Variants in CD63 observed in about 807,000 individuals in gnomAD.
CD63 encodes the protein CD63 molecule.
In CD63, 16 loss-of-function variants were observed where a neutral mutation model predicts 29.2. The ratio of observed to expected loss-of-function variants is 0.55; its 90% CI spans 0.37 to 0.83. CD63 has a LOEUF of 0.83. Among genes scored for constraint, CD63 ranks in the 40% least tolerant of loss-of-function variants. CD63 has a pLI of 0.00. For synonymous variants in CD63, 118 were observed against 111.7 expected, an observed-to-expected ratio of 1.06 and a Z score of -0.36; for missense variants, 251 against 297.3, an observed-to-expected ratio of 0.84 and a Z score of 1.15.
rs866914914 is a variant in CD63, at chr12:55,725,457, C to G, written c.*104G>C. On this transcript the variant is annotated 3_prime_UTR_variant, in exon 8 of 8. Coordinates refer to ENST00000257857, the MANE Select transcript of CD63 (RefSeq NM_001780.6). The stretch of plus-strand genomic sequence containing the variant: ...GAATCAAGCATCACTCTAAGACAAA[C>G]TCAGACCATCTCTTTTCGGTCTGAA... 1 of 950,212 alleles carries G rather than the reference C, an allele frequency of 1.1e-6. No individual in the cohort carries two copies. Among genetic ancestry groups the G allele is most frequent in the African/African-American group, 1.6e-5 (1 of 62,060 alleles). 58.9% of individuals were successfully genotyped at this position (950,212 alleles called of 1,614,324 possible).
Position 55,728,046 on chromosome 12 carries a change from A to G in CD63, c.66+230T>C. ...GGGTCACCAGACAGGAAGGGCCAGG[A>G]GGGATGGGGGTAGGGGTTGCTGCAC... On this transcript the variant is annotated intron_variant, in intron 2 of 7. Coordinates refer to ENST00000257857, the MANE Select transcript of CD63 (RefSeq NM_001780.6). This position sits in a 1 kb window ranked among gnomAD's most constrained non-coding sequence, Gnocchi z 4.8. The G allele has an allele frequency of 1.2e-6, 1 of 823,708 alleles. No individual in the cohort carries two copies. Among genetic ancestry groups the G allele is most frequent in the Non-Finnish European group, 1.8e-6 (1 of 545,490 alleles). The allele number at this position is 823,708 out of a possible 1,614,324, so 51.0% of individuals were successfully genotyped here.
At chr12:55,727,064 C>T in intron 3 of CD63, 87 bp downstream of exon 3, 1 of 1,543,710 alleles carries the variant, frequency 6.5e-7, no homozygotes, top group South Asian at 1.1e-5. Flanking sequence ...GTCTTCCTCA[C>T]CCACCCACCT....
At chr12:55,727,657 C>T in intron 2 of CD63, 1 of 1,113,598 alleles carries the variant, frequency 9.0e-7, no homozygotes, top group Non-Finnish European at 1.1e-6. Context: ...CAGCTCAATT[C>T]TCTCCCAGAA....
At chr12:55,724,680 G>T (rs1877122881), downstream of CD63, 1 of 919,488 alleles carries the variant, frequency 1.1e-6, no homozygotes, top group Non-Finnish European at 1.7e-6. Context: ...ATAAAAAGAA[G>T]GTGGGCAGAA....
Position 55,725,833 on chromosome 12 carries a change from G to C in CD63, c.631C>G (p.Leu211Val). The change falls in exon 7 of 8, where the codon CTT (leucine) becomes GTT (valine). Residue 211 changes from leucine to valine, a missense_variant. Physicochemically the swap from Leu to Val is conservative, Grantham distance 32 (BLOSUM62 1). Coordinates refer to ENST00000257857, the MANE Select transcript of CD63 (RefSeq NM_001780.6). The stretch of plus-strand genomic sequence containing the variant: ...CTTACCTCGACAAAAGCAATTCCAA[G>C]GGCTGCTGCAGCTACCACCAGCACA... The part of the protein sequence containing the change: ...KNVLVVAAAA[L>V]GIAFVEVLGI... The C allele has an allele frequency of 6.2e-7, 1 of 1,614,038 alleles. No individual in the cohort carries two copies. The highest frequency in any genetic ancestry group is 8.5e-7 in the Non-Finnish European group (1 of 1,179,980).
In CD63 at chr12:55,725,352, C is replaced by G; in HGVS notation, c.*209G>C. 1 of 589,726 alleles carries G rather than the reference C, an allele frequency of 1.7e-6. No homozygotes were observed. The highest frequency in any genetic ancestry group is 3.0e-6 in the Non-Finnish European group (1 of 331,570). 36.5% of individuals were successfully genotyped at this position (589,726 alleles called of 1,614,324 possible). A position where few individuals can be genotyped will look rare whatever the true frequency, so the allele number is the denominator to read the frequency against. The stretch of plus-strand genomic sequence containing the variant: ...ACACCTTCGCAAAGTCCTCCTTTCC[C>G]AAACACCCCCCAAAATAGACCTCGA... On this transcript the variant is annotated 3_prime_UTR_variant, in exon 8 of 8. Coordinates refer to ENST00000257857, the MANE Select transcript of CD63 (RefSeq NM_001780.6).
chr12:55,724,369 C>T (rs1368480581), downstream of CD63: 1 of 1,614,202 alleles, frequency 6.2e-7, no homozygotes, highest in Non-Finnish European at 8.5e-7. Context: ...TGACCCGGAC[C>T]TAACCAAGGT....
Position 55,725,807 on chromosome 12 carries a change from T to A in CD63, c.651+6A>T. 1 of 1,613,516 alleles carries A rather than the reference T, an allele frequency of 6.2e-7. No homozygotes were observed. Among genetic ancestry groups the A allele is most frequent in the Non-Finnish European group, 8.5e-7 (1 of 1,179,596 alleles). On this transcript the variant is annotated splice_donor_region_variant and intron_variant, in intron 7 of 7. Transcript: ENST00000257857. ...GTCCCAGCCCCTGCTCAGGGTTATC[T>A]CTTACCTCGACAAAAGCAATTCCAA...
At chr12:55,723,777 A>T, downstream of CD63, 1 of 1,303,196 alleles carries the variant, frequency 7.7e-7, no homozygotes, top group South Asian at 1.2e-5. Context: ...CTCCGTCAAA[A>T]CTCTTGTCCC....
At chr12:55,723,728 C>A, downstream of CD63, 1 of 793,434 alleles carries the variant, frequency 1.3e-6, no homozygotes. Context: ...ACTTTCCTCC[C>A]TCTACCCCAC....
downstream of CD63, chr12:55,724,634 C>T: frequency 1.7e-6 from 2 of 1,151,262 alleles, no homozygotes. Flanking sequence ...GTGCCTGCCA[C>T]AAAATAAGCA....
downstream of CD63, chr12:55,723,824 T>C: frequency 6.3e-7 from 1 of 1,587,318 alleles, no homozygotes; most frequent in Non-Finnish European, 8.6e-7. Context: ...CCAACCCATG[T>C]CCCTCAAAGT....
chr12:55,728,236 C>G lies in CD63; in HGVS notation c.66+40G>C, dbSNP rs377548535. On this transcript the variant is annotated intron_variant, in intron 2 of 7. Transcript: ENST00000257857. This position sits in a 1 kb window ranked among gnomAD's most constrained non-coding sequence, Gnocchi z 4.8. ...ACCACTGTGGAGCCAGGTCTCCCCG[C>G]ACCCTGCCGGCGCGCCCCCCAGGAC... is the stretch of plus-strand genomic sequence containing the variant. The G allele has an allele frequency of 3.8e-3, 5,971 of 1,558,818 alleles. 17 individuals carry two copies. The highest frequency in any genetic ancestry group is 4.8e-3 in the Non-Finnish European group (5,422 of 1,139,566).
At chr12:55,725,997 A>C (rs1592528400) in intron 6 of CD63, 101 bp from the exon 7 acceptor site, 1 of 1,430,278 alleles carries the variant, frequency 7.0e-7, no homozygotes. Flanking sequence ...TGTACCTTTC[A>C]CCCCACCCTT....
intron 5 of CD63, 153 bp from the exon 6 acceptor site, chr12:55,726,414 G>C: frequency 1.4e-6 from 1 of 713,624 alleles, no homozygotes; most frequent in Non-Finnish European, 2.2e-6. Context: ...GCTCAATCTC[G>C]GCTCACTGCA....
chr12:55,728,934 C>T lies in CD63; in HGVS notation c.-12+19G>A, dbSNP rs1359079785. 1 of 985,396 alleles carries T rather than the reference C, an allele frequency of 1.0e-6. No homozygotes were observed. Among genetic ancestry groups the T allele is most frequent in the African/African-American group, 1.7e-5 (1 of 57,174 alleles). The allele number at this position is 985,396 out of a possible 1,614,324, so 61.0% of individuals were successfully genotyped here. A position where few individuals can be genotyped will look rare whatever the true frequency, so the allele number is the denominator to read the frequency against. ...TCTCCCAGCCCGCGCCGAAGTCCGCCGGGTCCCCGCGGCCTCACCTGGGCT... is the reference window on the plus strand; with the variant it reads ...TCTCCCAGCCCGCGCCGAAGTCCGCTGGGTCCCCGCGGCCTCACCTGGGCT... On this transcript the variant is annotated intron_variant, in intron 1 of 7. Coordinates refer to ENST00000257857, the MANE Select transcript of CD63 (RefSeq NM_001780.6). The surrounding 1 kb of genome is among the most constrained non-coding windows in gnomAD (Gnocchi z 4.8).
chr12:55,725,650 G>C, intron 7 of CD63, 24 bp from the exon 8 acceptor site: 1 of 1,611,044 alleles, frequency 6.2e-7, no homozygotes, highest in East Asian at 2.2e-5. Context: ...TGGGGACAGG[G>C]GTGGAGAGGA....
intron 2 of CD63, chr12:55,727,607 C>G (rs1877557469): frequency 1.6e-6 from 2 of 1,241,148 alleles, no homozygotes; most frequent in Non-Finnish European, 2.0e-6. Context: ...ACACGTATTT[C>G]TGACCTAGAA....
intron 2 of CD63, chr12:55,727,548 C>G (rs998363080): frequency 6.9e-6 from 9 of 1,299,398 alleles, no homozygotes; most frequent in Non-Finnish European, 7.9e-6. Context: ...GCTCTTTAAT[C>G]AGGGACATGA....
Sources: gnomAD v4.1 joint callset for allele counts on GRCh38, gnomAD v4.1.1 for gene constraint, Gnocchi (gnomAD v3.1) non-coding constraint, MANE v1.5 for transcripts, NCBI Gene and HGNC (gene_info 2026-07-23, HGNC 2026-07-21) for gene names.